Variants in MUC4 observed in about 807,000 individuals in gnomAD.
MUC4 encodes mucin-4.
Under a neutral mutation model 257.9 loss-of-function variants are expected in MUC4, and 202 were observed. That is an observed-to-expected ratio of 0.78 (90% CI 0.70 to 0.88). The LOEUF is 0.88. Ranked by LOEUF, MUC4 falls within the 40% of genes least tolerant of loss-of-function variation. The probability of loss-of-function intolerance (pLI) is 0.00; values close to 1 mark genes in which losing one functional copy is unlikely to be tolerated. For missense variants in MUC4, 5,976 were observed against 6,513.7 expected, an observed-to-expected ratio of 0.92 and a Z score of 2.84; for synonymous variants, 2,351 against 2,757.1, an observed-to-expected ratio of 0.85 and a Z score of 4.62.
intron 1 of MUC4, among the ~76,000 whole-genome samples, chr3:195,801,536 T>C (rs1374646249): frequency 1.3e-5 from 2 of 152,074 alleles, no homozygotes; most frequent in African/African-American, 4.8e-5. Context: ...CCTGTGAGCA[T>C]GTTCAGGTGT....
At position 195,782,264 on chromosome 3, in the gene MUC4, G is replaced by C; in HGVS notation, c.9316C>G (p.Pro3106Ala). 7.2e-6 allele frequency: 11 copies of C among 1,535,924 alleles called. No individual in the cohort carries two copies. Among genetic ancestry groups the C allele is most frequent in the African/African-American group, 4.3e-5 (3 of 70,550 alleles). The change falls in exon 2 of 25, where the codon CCT becomes GCT. Residue 3106 changes from proline to alanine, a missense_variant. Pro to Ala is a conservative substitution (Grantham distance 27). Around this residue, in one of 44 missense-constraint regions of MUC4, gnomAD observed 128 missense variants for 104.8 expected, o/e 1.22. Coordinates refer to ENST00000463781, the MANE Select transcript of MUC4 (RefSeq NM_018406.7). Reference sequence around the variant, plus strand: ...GATGCTGAGGAAGGGCTAGTGACAGGAAGAGGCGTGGTGTCACCTGTGGAT... The same window carrying C: ...GATGCTGAGGAAGGGCTAGTGACAGCAAGAGGCGTGGTGTCACCTGTGGAT... ...SVSTGDTTPL[P>A]VTSPSSASTG...
chr3:195,782,123 G>A lies in MUC4; in HGVS notation c.9457C>T (p.Leu3153Phe). 1 of 1,368,062 alleles carries A rather than the reference G, an allele frequency of 7.3e-7. No homozygotes were observed. Among genetic ancestry groups the A allele is most frequent in the Non-Finnish European group, 9.6e-7 (1 of 1,038,374 alleles). 84.7% of individuals were successfully genotyped at this position (1,368,062 alleles called of 1,614,324 possible). ...GCTGAGGAAGTGTCGGTGACAGGAA[G>A]AGGGGTGGTGTCACCTGTGGATGCT... ...SSASTGDTTP[L>F]PVTDTSSAST... The change falls in exon 2 of 25, where the codon CTT becomes TTT. Residue 3153 changes from leucine to phenylalanine, a missense_variant. By Grantham distance (22) the Leu-to-Phe change is conservative. Transcript: ENST00000463781.
chr3:195,752,345 C>T, intron 21 of MUC4, 28 bp downstream of exon 21: 1 of 1,594,736 alleles, frequency 6.3e-7, no homozygotes, highest in Non-Finnish European at 8.6e-7. Flanking sequence ...CGCCCCCTCC[C>T]ACCCAGAGCG....
chr3:195,762,301 G>A, intron 13 of MUC4, 47 bp from the exon 14 acceptor site: 2 of 1,523,574 alleles, frequency 1.3e-6, no homozygotes, highest in Non-Finnish European at 1.8e-6. Context: ...CGGCACCACG[G>A]CCCGCACCAA....
chr3:195,771,875 GC>G, intron 4 of MUC4, 59 bp from the exon 5 acceptor site: 1 of 1,576,112 alleles, frequency 6.3e-7, no homozygotes, highest in South Asian at 1.1e-5. Flanking sequence ...GAAAGTCCCA[GC>G]CTTGGTCCAG....
chr3:195,759,103 C>T, intron 17 of MUC4, 21 bp downstream of exon 17: 1 of 1,613,122 alleles, frequency 6.2e-7, no homozygotes, highest in Non-Finnish European at 8.5e-7. Flanking sequence ...CCACTCTCCC[C>T]AGCCAGCCAA....
Position 195,774,256 on chromosome 3 carries a change from G to T in MUC4, c.12993C>A (p.Val4331=). 6.2e-7 allele frequency: 1 copy of T among 1,600,320 alleles called. No homozygotes were observed. The highest frequency in any genetic ancestry group is 1.1e-5 in the South Asian group (1 of 89,660). The change falls in exon 4 of 25, where the codon GTC becomes GTA. Residue 4331 remains valine, a synonymous_variant. Coordinates refer to ENST00000463781, the MANE Select transcript of MUC4 (RefSeq NM_018406.7). ...YGAGAGDLEF[V]RRTVDFTSPL... is the part of the protein sequence containing the mutation. ...GGGAGGTGAAGTCCACGGTCCTCCT[G>T]ACGAACTCCAGGTCCCCGGCGCCTG...
At chr3:195,754,172 G>T (rs775745595) in intron 19 of MUC4, 41 bp downstream of exon 19, 5 of 1,580,694 alleles carry the variant, frequency 3.2e-6, no homozygotes, top group Non-Finnish European at 4.3e-6. Flanking sequence ...GCTATCAGCT[G>T]CTCCCAGAAG....
chr3:195,762,611 C>A (rs1359611831), intron 13 of MUC4, among the ~76,000 whole-genome samples: 361 of 122,392 alleles, frequency 2.9e-3, no homozygotes, highest in African/African-American at 0.011. Flanking sequence ...CCTGCACCGC[C>A]ACGCACCCGG....
At position 195,766,778 on chromosome 3, in the gene MUC4, C is replaced by T. The variant is rs750653879; in HGVS notation, c.13530-27G>A. 6 of 1,604,534 alleles carry T rather than the reference C, an allele frequency of 3.7e-6. No individual in the cohort carries two copies. The South Asian group carries it at 5.5e-5, about 15-fold the overall frequency. ...TGCAGGAAAGGAGAGACTCTCAGGC[C>T]TCTGCCGTGCACAGGCTCTTGCCTC... On this transcript the variant is annotated intron_variant, in intron 7 of 24. Coordinates refer to ENST00000463781, the MANE Select transcript of MUC4 (RefSeq NM_018406.7).
chr3:195,775,422 C>CAGTCAT (rs1724223263), intron 3 of MUC4, among the ~76,000 whole-genome samples: 2 of 116,838 alleles, frequency 1.7e-5, no homozygotes, highest in Non-Finnish European at 3.9e-5. Flanking sequence ...ATACCTTCCA[C>CAGTCAT]ACCCATACCT....
At chr3:195,762,428 G>A (rs1363181321) in intron 13 of MUC4, among the ~76,000 whole-genome samples, 174 bp from the exon 14 acceptor site, 1 of 152,096 alleles carries the variant, frequency 6.6e-6, no homozygotes, top group African/African-American at 2.4e-5. Flanking sequence ...CTCGGGGGTA[G>A]AGGCTGCGCT....
chr3:195,748,554 C>T (rs1469394605), intron 24 of MUC4, among the ~76,000 whole-genome samples: 1 of 152,280 alleles, frequency 6.6e-6, no homozygotes, highest in Admixed American at 6.5e-5. Flanking sequence ...ACAAATGACA[C>T]TCCATCTCAA....
rs574846961 is a variant in MUC4 at position 195,788,198 on chromosome 3, A to T, written c.3382T>A (p.Ser1128Thr). The change falls in exon 2 of 25, where the codon TCA (serine) becomes ACA (threonine). Residue 1128 changes from serine (S) to threonine (T), a missense_variant. Physicochemically the swap from Ser to Thr is moderately conservative, Grantham distance 58 (BLOSUM62 1). Around this residue, in one of 44 missense-constraint regions of MUC4, gnomAD observed 11 missense variants for 41.1 expected, o/e 0.27. Transcript: ENST00000463781. ...GAGGTGGCGTGACCTGTGGATGCTG[A>T]GGAAGTGTCGGTGACAGGAAGAGGG... ...TTPLPVTDTS[S>T]ASTGHATSLP... 18 of 1,466,186 alleles carry T rather than the reference A, an allele frequency of 1.2e-5. No homozygotes were observed. Among genetic ancestry groups the T allele is most frequent in the Middle Eastern group, 4.7e-4 (2 of 4,244 alleles). The allele number at this position is 1,466,186 out of a possible 1,614,324, so 90.8% of individuals were successfully genotyped here. A position where few individuals can be genotyped will look rare whatever the true frequency, so the allele number is the denominator to read the frequency against.
At position 195,780,636 on chromosome 3, in the gene MUC4, A is replaced by T; in HGVS notation, c.10944T>A (p.Pro3648=). ...LSSVSTGDTT[P]LLVTDASSVS... ...CTGAGGAAGCGTCGGTGACAAGAAG[A>T]GGGGTGGTGTCACCTGTGGATACTG... is the stretch of plus-strand genomic sequence containing the variant. The change falls in exon 2 of 25, where the codon CCT becomes CCA. Residue 3648 remains proline, a synonymous_variant. Transcript: ENST00000463781. 1 of 1,506,740 alleles carries T rather than the reference A, an allele frequency of 6.6e-7. No homozygotes were observed. Among genetic ancestry groups the T allele is most frequent in the Non-Finnish European group, 8.8e-7 (1 of 1,133,940 alleles). The allele number at this position is 1,506,740 out of a possible 1,614,324, so 93.3% of individuals were successfully genotyped here.
chr3:195,767,504 C>CCATCAT lies in MUC4; in HGVS notation c.13530-754_13530-753insATGATG, dbSNP rs1720916823. Among the ~76,000 whole-genome samples the CCATCAT allele has an allele frequency of 1.5e-4, 21 of 137,512 alleles. No homozygotes were observed. The East Asian group carries it at 4.8e-3, about 31-fold the overall frequency. The allele number at this position is 137,512 out of a possible 152,430, so 90.2% of individuals were successfully genotyped here. ...ATCACCACCACCATCACCATCACCA[C>CCATCAT]CACCATCACCATCACCACCACCATC... On this transcript the variant is annotated intron_variant, in intron 7 of 24. Transcript: ENST00000463781.
At chr3:195,754,174 T>A in intron 19 of MUC4, 39 bp downstream of exon 19, 1 of 1,584,704 alleles carries the variant, frequency 6.3e-7, no homozygotes, top group Admixed American at 1.8e-5. Context: ...TATCAGCTGC[T>A]CCCAGAAGCG....
At position 195,783,938 on chromosome 3, in the gene MUC4, T is replaced by A; in HGVS notation, c.7642A>T (p.Thr2548Ser). Reference sequence around the variant, plus strand: ...CCTGTGGATGCTGAGGAAGGGCTGGTGACATGAAGAGAGGTGGCGTGACGT... The same window carrying A: ...CCTGTGGATGCTGAGGAAGGGCTGGAGACATGAAGAGAGGTGGCGTGACGT... Reference protein sequence around the residue: ...STRHATSLHVTSPSSASTGHA... With the variant: ...STRHATSLHVSSPSSASTGHA... Residue 2548 changes from threonine (T) to serine (S), a missense_variant, in exon 2 of 25, where the codon ACC (threonine) becomes TCC (serine). Transcript: ENST00000463781. The A allele has an allele frequency of 6.6e-7, 1 of 1,521,704 alleles. No individual in the cohort carries two copies. The highest frequency in any genetic ancestry group is 2.5e-5 in the East Asian group (1 of 39,902). The allele number at this position is 1,521,704 out of a possible 1,614,324, so 94.3% of individuals were successfully genotyped here. A position where few individuals can be genotyped will look rare whatever the true frequency, so the allele number is the denominator to read the frequency against.
In MUC4 at chr3:195,781,623, G is replaced by A. The variant is rs1401338960; in HGVS notation, c.9957C>T (p.Ser3319=). The part of the protein sequence containing the change: ...HATPLLVTDA[S]SASTGHATPL... ...GGGTGGCGTGACCTGTGGATGCTGA[G>A]GAAGCGTCGGTGACAAGAAGAGGAG... is the stretch of plus-strand genomic sequence containing the variant. The change falls in exon 2 of 25, where the codon TCC becomes TCT. Residue 3319 remains serine (S), a synonymous_variant. Transcript: ENST00000463781. 1 of 439,540 alleles carries A rather than the reference G, an allele frequency of 2.3e-6. No individual in the cohort carries two copies. 27.2% of individuals were successfully genotyped at this position (439,540 alleles called of 1,614,324 possible). A position where few individuals can be genotyped will look rare whatever the true frequency, so the allele number is the denominator to read the frequency against.
Sources: gnomAD v4.1 joint callset for allele counts (sites outside exome capture counted in the v4.1 genomes callset) on GRCh38, gnomAD v4.1.1 for gene constraint, gnomAD v4.1.1 regional missense constraint, MANE v1.5 for transcripts, NCBI Gene and HGNC (gene_info 2026-07-23, HGNC 2026-07-21) for gene names.